Variants in ARHGAP8 observed in about 807,000 individuals in gnomAD.
ARHGAP8 encodes the protein rho GTPase-activating protein 8.
A neutral mutation model predicts 46.1 loss-of-function variants in ARHGAP8; 62 were observed. That is an observed-to-expected ratio of 1.34 (90% CI 1.10 to 1.66). The LOEUF (loss-of-function observed/expected upper bound fraction) is 1.66, where lower values mean the gene tolerates loss of function less well. Among genes scored for constraint, ARHGAP8 ranks in the 40% most tolerant of loss-of-function variants. ARHGAP8 has a pLI of 0.00. For missense variants in ARHGAP8, 923 were observed against 568.4 expected, an observed-to-expected ratio of 1.62 and a Z score of -6.34; for synonymous variants, 375 against 243.1, an observed-to-expected ratio of 1.54 and a Z score of -5.05.
chr22:44,792,926 T>C (rs1485005572), intron 2 of ARHGAP8, among the ~76,000 whole-genome samples: 1 of 151,734 alleles, frequency 6.6e-6, no homozygotes, highest in Non-Finnish European at 1.5e-5. Context: ...CAGGTTCAAG[T>C]GATTCTCCTG....
chr22:44,855,758 C>G (rs78424114), intron 10 of ARHGAP8, among the ~76,000 whole-genome samples: 5,373 of 152,156 alleles, frequency 0.035, 308 homozygotes, highest in African/African-American at 0.12. Flanking sequence ...CACAGATAGC[C>G]AAAAGAAAGA....
chr22:44,841,318 T>G (rs1448429346), intron 7 of ARHGAP8, among the ~76,000 whole-genome samples: 2 of 152,218 alleles, frequency 1.3e-5, no homozygotes, highest in Admixed American at 6.5e-5. Flanking sequence ...ACTGCATGTT[T>G]TCTGCGTGCT....
intron 7 of ARHGAP8, among the ~76,000 whole-genome samples, chr22:44,842,392 T>C (rs1447794527): frequency 1.3e-5 from 2 of 151,914 alleles, no homozygotes; most frequent in Non-Finnish European, 2.9e-5. Context: ...ACAGCACAGG[T>C]CTTGCATACA....
intron 7 of ARHGAP8, among the ~76,000 whole-genome samples, chr22:44,835,203 G>A (rs1176411923): frequency 6.7e-6 from 1 of 150,252 alleles, no homozygotes; most frequent in Non-Finnish European, 1.5e-5. Flanking sequence ...ACTTTCTAGT[G>A]TACTGTTTCA....
chr22:44,856,940 A>T (rs1049948605), intron 10 of ARHGAP8, among the ~76,000 whole-genome samples: 1 of 139,150 alleles, frequency 7.2e-6, no homozygotes, highest in Admixed American at 6.8e-5. Flanking sequence ...CTTGAGTAAG[A>T]ATTCTTTTTT....
chr22:44,800,160 A>G (rs1285012089), intron 2 of ARHGAP8, among the ~76,000 whole-genome samples: 9 of 137,040 alleles, frequency 6.6e-5, no homozygotes, highest in East Asian at 2.5e-4. Flanking sequence ...CTGGAGTGCA[A>G]TGATGCAATC....
intron 3 of ARHGAP8, among the ~76,000 whole-genome samples, chr22:44,805,708 G>C (rs11913743): frequency 0.043 from 6,529 of 152,232 alleles, 198 homozygotes; most frequent in African/African-American, 0.085. Context: ...TCATGCAAAG[G>C]TGCTCTGTGG....
Position 44,847,971 on chromosome 22 carries a change from A to G in ARHGAP8, c.671-2A>G, listed in dbSNP as rs927125505. ...AGATGCCTGGAAGCTCCTCTCCTGCAGGCCTGCGCACCGAGGGCCTGTTCC... is the reference window on the plus strand; with the variant it reads ...AGATGCCTGGAAGCTCCTCTCCTGCGGGCCTGCGCACCGAGGGCCTGTTCC... On this transcript the variant is annotated splice_acceptor_variant, in intron 8 of 11. Transcript: ENST00000356099. LOFTEE classifies it high-confidence loss of function. The G allele has an allele frequency of 6.2e-7, 1 of 1,606,962 alleles. No homozygotes were observed. The highest frequency in any genetic ancestry group is 8.5e-7 in the Non-Finnish European group (1 of 1,179,908).
intron 5 of ARHGAP8, among the ~76,000 whole-genome samples, 169 bp from the exon 6 acceptor site, chr22:44,822,202 G>A (rs533409692): frequency 7.9e-5 from 12 of 152,184 alleles, no homozygotes; most frequent in South Asian, 2.1e-4. Flanking sequence ...ATCTCCCGGC[G>A]TGCGCTGCTT....
intron 7 of ARHGAP8, among the ~76,000 whole-genome samples, chr22:44,838,849 G>A (rs1049810258): frequency 6.6e-6 from 1 of 152,202 alleles, no homozygotes; most frequent in South Asian, 2.1e-4. Context: ...TCAGCCCCTG[G>A]CATTGGGACA....
intron 1 of ARHGAP8, among the ~76,000 whole-genome samples, chr22:44,783,080 T>A: frequency 8.4e-6 from 1 of 118,372 alleles, no homozygotes; most frequent in African/African-American, 3.3e-5. Flanking sequence ...TCCCTCCCTC[T>A]GGGCCAGGCT....
intron 1 of ARHGAP8, 54 bp from the exon 2 acceptor site, chr22:44,786,403 A>C: frequency 2.0e-6 from 3 of 1,536,904 alleles, no homozygotes; most frequent in Non-Finnish European, 2.6e-6. Flanking sequence ...AGGCTCCCTC[A>C]TTCCCCGCCT....
At chr22:44,782,121 G>C (rs910364424) in intron 1 of ARHGAP8, among the ~76,000 whole-genome samples, 5 of 152,080 alleles carry the variant, frequency 3.3e-5, no homozygotes, top group Admixed American at 6.5e-5. Context: ...GATCACTTGA[G>C]GTCAGGAGTT....
chr22:44,786,569 C>T lies in ARHGAP8; in HGVS notation c.42C>T (p.Phe14=), dbSNP rs775467963. Residue 14 remains phenylalanine, a synonymous_variant, in exon 2 of 12, where the codon TTC becomes TTT. Transcript: ENST00000356099. The part of the protein sequence containing the change: ...QDPALSTSHP[F]YDVARHGILQ... The stretch of plus-strand genomic sequence containing the variant: ...CTGCGCTGAGCACGAGTCACCCGTT[C>T]TACGACGTGGCCAGACATGGCATTC... 16 of 1,613,608 alleles carry T rather than the reference C, an allele frequency of 9.9e-6. No homozygotes were observed. Among genetic ancestry groups the T allele is most frequent in the South Asian group, 3.3e-5 (3 of 90,998 alleles).
At chr22:44,857,977 T>C (rs2070282026) in intron 10 of ARHGAP8, among the ~76,000 whole-genome samples, 1 of 152,038 alleles carries the variant, frequency 6.6e-6, no homozygotes, top group South Asian at 2.1e-4. Flanking sequence ...CAGTACCCAC[T>C]TGGGACCATA....
chr22:44,795,336 C>T (rs1254957955), intron 2 of ARHGAP8, among the ~76,000 whole-genome samples: 1 of 152,156 alleles, frequency 6.6e-6, no homozygotes, highest in Admixed American at 6.5e-5. Flanking sequence ...GACCCTCTTA[C>T]CCTCATTGCA....
chr22:44,862,687 G>C lies in ARHGAP8; in HGVS notation c.*92G>C. On this transcript the variant is annotated 3_prime_UTR_variant, in exon 12 of 12. Transcript: ENST00000356099. ...AACTTGGCATCTGTAAAAATAACCAGCCATTAGATGAATTCAGAACCTTCT... is the reference window on the plus strand; with the variant it reads ...AACTTGGCATCTGTAAAAATAACCACCCATTAGATGAATTCAGAACCTTCT... 2 of 1,413,892 alleles carry C rather than the reference G, an allele frequency of 1.4e-6. No individual in the cohort carries two copies. The highest frequency in any genetic ancestry group is 1.9e-6 in the Non-Finnish European group (2 of 1,067,692). The allele number at this position is 1,413,892 out of a possible 1,614,324, so 87.6% of individuals were successfully genotyped here.
At chr22:44,840,730 G>A (rs1931595986) in intron 7 of ARHGAP8, among the ~76,000 whole-genome samples, 1 of 152,204 alleles carries the variant, frequency 6.6e-6, no homozygotes, top group Non-Finnish European at 1.5e-5. Context: ...GCTCAACGAA[G>A]CCGGCACATC....
chr22:44,784,037 C>T (rs1424920529), intron 1 of ARHGAP8, among the ~76,000 whole-genome samples: 1 of 152,218 alleles, frequency 6.6e-6, no homozygotes, highest in South Asian at 2.1e-4. Flanking sequence ...TAACATAATA[C>T]ATAAAAAATA....
Sources: gnomAD v4.1 joint callset for allele counts (sites outside exome capture counted in the v4.1 genomes callset) on GRCh38, gnomAD v4.1.1 for gene constraint, MANE v1.5 for transcripts, NCBI Gene and HGNC (gene_info 2026-07-23, HGNC 2026-07-21) for gene names.